The following RGS17 variants were observed in gnomAD, a reference collection of about 807,000 sequenced individuals.
RGS17 encodes regulator of G protein signaling 17.
In RGS17, 12 loss-of-function variants were observed where a neutral mutation model predicts 25.5. The ratio of observed to expected loss-of-function variants is 0.47; its 90% CI spans 0.30 to 0.76. The LOEUF (loss-of-function observed/expected upper bound fraction) is 0.76, where lower values mean the gene tolerates loss of function less well. Ranked by LOEUF, RGS17 falls within the 30% of genes least tolerant of loss-of-function variation. The probability of loss-of-function intolerance (pLI) is 0.07; values close to 1 mark genes in which losing one functional copy is unlikely to be tolerated. For missense variants in RGS17, 196 were observed against 242.2 expected (o/e 0.81, Z 1.27); for synonymous variants, 71 against 76.9 (o/e 0.92, Z 0.40).
intron 1 of RGS17, among the ~76,000 whole-genome samples, chr6:153,106,111 T>C (rs571860623): frequency 1.3e-5 from 2 of 152,104 alleles, no homozygotes; most frequent in Admixed American, 1.3e-4. Context: ...TGGGTGTAAC[T>C]GAGAAGGGGG....
chr6:153,071,016 T>C (rs1176791951), intron 1 of RGS17, among the ~76,000 whole-genome samples: 1 of 150,470 alleles, frequency 6.6e-6, no homozygotes, highest in East Asian at 1.9e-4. Flanking sequence ...TATATGCACG[T>C]ATGTGTATAT....
At chr6:153,018,716 A>G (rs1779209838) in intron 4 of RGS17, among the ~76,000 whole-genome samples, 1 of 152,210 alleles carries the variant, frequency 6.6e-6, no homozygotes, top group Non-Finnish European at 1.5e-5. Flanking sequence ...CTAAAATGTA[A>G]GCTCCATTAA....
intron 2 of RGS17, among the ~76,000 whole-genome samples, chr6:153,035,230 C>T (rs1776224036): frequency 6.6e-6 from 1 of 151,642 alleles, no homozygotes; most frequent in African/African-American, 2.4e-5. Context: ...AACAGATATT[C>T]CCATGCAAAA....
At chr6:153,054,301 T>A (rs1401192007) in intron 1 of RGS17, among the ~76,000 whole-genome samples, 3 of 151,042 alleles carry the variant, frequency 2.0e-5, no homozygotes, top group Non-Finnish European at 4.4e-5. Context: ...ACAAAATCTC[T>A]GAGATTGTTG....
At position 153,005,800 on chromosome 6, in the gene RGS17, A is replaced by C. The variant is rs2129104019; in HGVS notation, c.*5774T>G. On this transcript the variant is annotated 3_prime_UTR_variant, in exon 5 of 5. Transcript: ENST00000206262. ...GAAGCCTAAGGAAACATGACAACTAAATGTAATGTGGTATCCTGAATGGGA... is the reference window on the plus strand; with the variant it reads ...GAAGCCTAAGGAAACATGACAACTACATGTAATGTGGTATCCTGAATGGGA... 1 of 152,392 alleles carries C rather than the reference A, an allele frequency of 6.6e-6. No homozygotes were observed. The highest frequency in any genetic ancestry group is 2.4e-5 in the African/African-American group (1 of 41,560). 9.4% of individuals were successfully genotyped at this position (152,392 alleles called of 1,614,324 possible).
chr6:153,025,412 A>C (rs1323337500), intron 3 of RGS17, among the ~76,000 whole-genome samples: 2 of 151,972 alleles, frequency 1.3e-5, no homozygotes, highest in Non-Finnish European at 2.9e-5. Flanking sequence ...CTATAATGAC[A>C]CTGACATTGG....
chr6:153,122,949 AGTAAATTGGAGTATTTAATACTCCAAT>A lies in RGS17; in HGVS notation c.-26+8148_-26+8174del, dbSNP rs561308464. Among the ~76,000 whole-genome samples, 43 of 151,642 alleles carry A rather than the reference AGTAAATTGGAGTATTTAATACTCCAAT, an allele frequency of 2.8e-4. No individual in the cohort carries two copies. In the South Asian group the frequency reaches 8.3e-3, roughly 29 times the overall value. On this transcript the variant is annotated intron_variant, in intron 1 of 4. Coordinates refer to ENST00000206262, the MANE Select transcript of RGS17 (RefSeq NM_012419.5). ...AGCCTTTTACTCCAATGTACATTGGAGTAAATTGGAGTATTTAATACTCCAATGTACATTGGAGTACATTGGAGTACA... is the reference window on the plus strand; with the variant it reads ...AGCCTTTTACTCCAATGTACATTGGAGTACATTGGAGTACATTGGAGTACA...
At chr6:153,111,089 C>T (rs1242277160) in intron 1 of RGS17, among the ~76,000 whole-genome samples, 5 of 151,790 alleles carry the variant, frequency 3.3e-5, no homozygotes, top group Admixed American at 6.6e-5. Flanking sequence ...GCCAGTGAGA[C>T]AGAACTGTTC....
intron 1 of RGS17, among the ~76,000 whole-genome samples, chr6:153,121,063 GT>G (rs940954358): frequency 3.3e-4 from 48 of 145,124 alleles, no homozygotes; most frequent in South Asian, 6.6e-4. Flanking sequence ...ACTTGTTCAT[GT>G]TTTTTTTTTT....
intron 3 of RGS17, among the ~76,000 whole-genome samples, chr6:153,025,551 T>C (rs1169958051): frequency 1.3e-5 from 2 of 151,104 alleles, no homozygotes; most frequent in Non-Finnish European, 2.9e-5. Context: ...GTTAAAATGA[T>C]TCTGATCTTC....
chr6:153,015,159 CAAAG>C (rs764550036), intron 4 of RGS17, among the ~76,000 whole-genome samples: 1 of 152,150 alleles, frequency 6.6e-6, no homozygotes, highest in Admixed American at 6.5e-5. Context: ...TATAGATGAG[CAAAG>C]AAAGTGGTTT....
Position 153,130,612 on chromosome 6 carries a change from T to A in RGS17, c.-26+512A>T, listed in dbSNP as rs558001380. 6.6e-5 allele frequency among the ~76,000 whole-genome samples: 10 copies of A among 152,182 alleles called. No individual in the cohort carries two copies. In the East Asian group the frequency reaches 1.9e-3, roughly 29 times the overall value. On this transcript the variant is annotated intron_variant, in intron 1 of 4. Coordinates refer to ENST00000206262, the MANE Select transcript of RGS17 (RefSeq NM_012419.5). This position sits in a 1 kb window ranked among gnomAD's most constrained non-coding sequence, Gnocchi z 6.4. ...GCATTTTCCCAAAGGTAAAGAGAGA[T>A]AAGGGAGGAAACACAGCACCCAAGG...
intron 1 of RGS17, among the ~76,000 whole-genome samples, chr6:153,058,375 G>T (rs1056358653): frequency 6.6e-6 from 1 of 152,178 alleles, no homozygotes; most frequent in Non-Finnish European, 1.5e-5. Flanking sequence ...TCTACACAAA[G>T]GCTTAGTCAG....
rs1779078990 is a variant in RGS17, at chr6:153,006,621, G to A, written c.*4953C>T. The A allele has an allele frequency of 6.6e-6, 1 of 152,146 alleles. No homozygotes were observed. Among genetic ancestry groups the A allele is most frequent in the Non-Finnish European group, 1.5e-5 (1 of 67,960 alleles). 9.4% of individuals were successfully genotyped at this position (152,146 alleles called of 1,614,324 possible). A position where few individuals can be genotyped will look rare whatever the true frequency, so the allele number is the denominator to read the frequency against. On this transcript the variant is annotated 3_prime_UTR_variant, in exon 5 of 5. Coordinates refer to ENST00000206262, the MANE Select transcript of RGS17 (RefSeq NM_012419.5). ...AAATCAGATGTTTAACGTATGTTTT[G>A]GAAAAAAATAGGGGAAAGTGCATTA...
Position 153,093,003 on chromosome 6 carries a change from T to C in RGS17, c.-26+38121A>G, listed in dbSNP as rs546408922. The stretch of plus-strand genomic sequence containing the variant: ...CAGGGGAGAGAGTCCTAACAAAGAC[T>C]AAAAATAACTTAAAGAAACCAAAAA... On this transcript the variant is annotated intron_variant, in intron 1 of 4. Coordinates refer to ENST00000206262, the MANE Select transcript of RGS17 (RefSeq NM_012419.5). Among the ~76,000 whole-genome samples, 21 of 152,278 alleles carry C rather than the reference T, an allele frequency of 1.4e-4. No individual in the cohort carries two copies. In the South Asian group the frequency reaches 4.4e-3, roughly 32 times the overall value.
intron 2 of RGS17, among the ~76,000 whole-genome samples, chr6:153,028,451 T>C (rs1369243015): frequency 6.6e-6 from 1 of 152,178 alleles, no homozygotes; most frequent in Admixed American, 6.5e-5. Flanking sequence ...GCTGTGAATG[T>C]GTCTGAGGTT....
intron 2 of RGS17, among the ~76,000 whole-genome samples, chr6:153,041,359 C>A (rs1776318738): frequency 6.6e-6 from 1 of 152,132 alleles, no homozygotes; most frequent in Non-Finnish European, 1.5e-5. Flanking sequence ...ACAGAGCATG[C>A]AGCCAATGTA....
At chr6:153,101,139 C>T (rs2129123409) in intron 1 of RGS17, among the ~76,000 whole-genome samples, 1 of 152,300 alleles carries the variant, frequency 6.6e-6, no homozygotes, top group East Asian at 1.9e-4. Flanking sequence ...ATGTTCCAAG[C>T]AACGGAATAA....
Position 153,005,243 on chromosome 6 carries a change from T to C in RGS17, c.*6331A>G, listed in dbSNP as rs1449468881. 1 of 152,194 alleles carries C rather than the reference T, an allele frequency of 6.6e-6. No homozygotes were observed. The highest frequency in any genetic ancestry group is 1.5e-5 in the Non-Finnish European group (1 of 68,030). 9.4% of individuals were successfully genotyped at this position (152,194 alleles called of 1,614,324 possible). Reference sequence around the variant, plus strand: ...AAAGTATGTGGAGGATTATTGTAAATTGCGCAGACAGTTCAAGGGAAAAAT... The same window carrying C: ...AAAGTATGTGGAGGATTATTGTAAACTGCGCAGACAGTTCAAGGGAAAAAT... On this transcript the variant is annotated 3_prime_UTR_variant, in exon 5 of 5. Coordinates refer to ENST00000206262, the MANE Select transcript of RGS17 (RefSeq NM_012419.5).
Sources: gnomAD v4.1 joint callset for allele counts (sites outside exome capture counted in the v4.1 genomes callset) on GRCh38, gnomAD v4.1.1 for gene constraint, Gnocchi (gnomAD v3.1) non-coding constraint, MANE v1.5 for transcripts, NCBI Gene and HGNC (gene_info 2026-07-23, HGNC 2026-07-21) for gene names.